SPTLC1: variants seen among roughly 807,000 people sequenced by gnomAD.
The protein encoded by SPTLC1 is serine palmitoyltransferase long chain base subunit 1.
In SPTLC1, 55 loss-of-function variants were observed where a neutral mutation model predicts 68.9. The ratio of observed to expected loss-of-function variants is 0.80; its 90% CI spans 0.64 to 1.00. The LOEUF (loss-of-function observed/expected upper bound fraction) is 1.00. Ranked by LOEUF, SPTLC1 falls within the 50% of genes least tolerant of loss-of-function variation. The probability of loss-of-function intolerance (pLI) is 0.00; values close to 1 mark genes in which losing one functional copy is unlikely to be tolerated. For synonymous variants in SPTLC1, 197 were observed against 201.6 expected, an observed-to-expected ratio of 0.98 and a Z score of 0.19; for missense variants, 449 against 573.1, an observed-to-expected ratio of 0.78 and a Z score of 2.21.
At chr9:92,048,017 A>C (rs10992210) in intron 9 of SPTLC1, among the ~76,000 whole-genome samples, 2 of 152,266 alleles carry the variant, frequency 1.3e-5, no homozygotes, top group African/African-American at 4.8e-5. Context: ...TATTAAAAGT[A>C]GTCACAGGTA....
chr9:92,100,672 C>A (rs571258488), intron 3 of SPTLC1, among the ~76,000 whole-genome samples: 1 of 152,204 alleles, frequency 6.6e-6, no homozygotes, highest in African/African-American at 2.4e-5. Flanking sequence ...GGTGTACCAA[C>A]CCCTGTGACT....
At chr9:92,080,190 CAACTCT>C in intron 4 of SPTLC1, 102 bp from the exon 5 acceptor site, 2 of 875,736 alleles carry the variant, frequency 2.3e-6, no homozygotes, top group Non-Finnish European at 3.7e-6. Context: ...CTTCCTCCTC[CAACTCT>C]AACAGAATAT....
chr9:92,086,373 A>G (rs1462069165), intron 3 of SPTLC1, among the ~76,000 whole-genome samples: 4 of 152,116 alleles, frequency 2.6e-5, no homozygotes, highest in Admixed American at 2.6e-4. Flanking sequence ...TTTTGCAGTG[A>G]CTGGTACCGG....
intron 3 of SPTLC1, among the ~76,000 whole-genome samples, chr9:92,092,513 G>A (rs114749238): frequency 0.078 from 11,836 of 152,150 alleles, 826 homozygotes; most frequent in East Asian, 0.27. Context: ...TGGATCACCC[G>A]AGGTCAAGAG....
intron 6 of SPTLC1, among the ~76,000 whole-genome samples, chr9:92,066,788 G>A (rs1291071095): frequency 6.6e-6 from 1 of 152,138 alleles, no homozygotes; most frequent in Non-Finnish European, 1.5e-5. Flanking sequence ...AGACCAGCCT[G>A]GCCAACATGG....
At chr9:92,040,127 T>C (rs1426613631) in intron 12 of SPTLC1, among the ~76,000 whole-genome samples, 1 of 152,112 alleles carries the variant, frequency 6.6e-6, no homozygotes, top group African/African-American at 2.4e-5. Context: ...CCCAGCACTT[T>C]GGGAGGCCAA....
At chr9:92,081,210 T>G (rs558771798) in intron 3 of SPTLC1, among the ~76,000 whole-genome samples, 1 of 152,236 alleles carries the variant, frequency 6.6e-6, no homozygotes, top group Non-Finnish European at 1.5e-5. Context: ...AAGCTAGAAT[T>G]CCAAGATGAA....
chr9:92,071,845 G>GT lies in SPTLC1; in HGVS notation c.428-3748dup, dbSNP rs1299941210. Among the ~76,000 whole-genome samples, 5 of 152,290 alleles carry GT rather than the reference G, an allele frequency of 3.3e-5. No homozygotes were observed. In the East Asian group the frequency reaches 9.7e-4, roughly 30 times the overall value. Reference sequence around the variant, plus strand: ...GCCAGCCTTGGGGCATTCTACCATTGTAACAGGCTCTACCCTAACTGATCA... The same window carrying GT: ...GCCAGCCTTGGGGCATTCTACCATTGTTAACAGGCTCTACCCTAACTGATCA... On this transcript the variant is annotated intron_variant, in intron 5 of 14. Coordinates refer to ENST00000262554, the MANE Select transcript of SPTLC1 (RefSeq NM_006415.4).
intron 3 of SPTLC1, among the ~76,000 whole-genome samples, chr9:92,098,097 C>T (rs772890656): frequency 3.9e-5 from 6 of 152,156 alleles, no homozygotes; most frequent in Non-Finnish European, 1.5e-5. Context: ...TCAGCATTCC[C>T]GGATTCACCG....
At chr9:92,077,884 T>A (rs561396435) in intron 5 of SPTLC1, among the ~76,000 whole-genome samples, 1 of 152,236 alleles carries the variant, frequency 6.6e-6, no homozygotes, top group South Asian at 2.1e-4. Flanking sequence ...TACTTACTCT[T>A]TGTCTCACTC....
At chr9:92,109,619 A>G (rs1836148776) in intron 2 of SPTLC1, 3 of 152,208 alleles carry the variant, frequency 2.0e-5, no homozygotes, top group Non-Finnish European at 4.4e-5. Flanking sequence ...ACAGGCTTTC[A>G]TGGACTTCAT....
At chr9:92,085,665 T>C (rs1835093267) in intron 3 of SPTLC1, among the ~76,000 whole-genome samples, 1 of 151,386 alleles carries the variant, frequency 6.6e-6, no homozygotes, top group Non-Finnish European at 1.5e-5. Flanking sequence ...CTTCCAACTA[T>C]GTGGTCAATT....
rs367646576 is a variant in SPTLC1 at position 92,049,957 on chromosome 9, T to C, written c.888+3A>G. On this transcript the variant is annotated splice_donor_region_variant and intron_variant, in intron 9 of 14. Coordinates refer to ENST00000262554, the MANE Select transcript of SPTLC1 (RefSeq NM_006415.4). ...GAAACGTTCTTAAAAAAGGGGAACT[T>C]ACATTGATTCCATAGTGTTCAGTGA... The C allele has an allele frequency of 1.6e-5, 25 of 1,592,652 alleles. No homozygotes were observed. The African/African-American group carries it at 3.0e-4, about 19-fold the overall frequency.
At chr9:92,071,593 T>TA (rs757066907) in intron 5 of SPTLC1, among the ~76,000 whole-genome samples, 4 of 152,222 alleles carry the variant, frequency 2.6e-5, no homozygotes, top group Non-Finnish European at 5.9e-5. Flanking sequence ...TGTTCCCACT[T>TA]ACACCTGAGA....
chr9:92,045,559 T>TA (rs1833487275), intron 12 of SPTLC1, among the ~76,000 whole-genome samples: 1 of 96,020 alleles, frequency 1.0e-5, no homozygotes, highest in African/African-American at 4.1e-5. Flanking sequence ...AAAACACTGA[T>TA]AAAATTTCAC....
intron 3 of SPTLC1, chr9:92,108,408 G>A (rs564649941): frequency 5.2e-5 from 17 of 328,096 alleles, no homozygotes; most frequent in South Asian, 2.2e-4. Context: ...TGAGGGTAAC[G>A]TGCGACAAAT....
intron 3 of SPTLC1, among the ~76,000 whole-genome samples, chr9:92,090,473 G>A (rs1460507191): frequency 6.6e-6 from 1 of 152,016 alleles, no homozygotes; most frequent in Non-Finnish European, 1.5e-5. Flanking sequence ...TTAGCCGGGT[G>A]TGGTGGTGCA....
chr9:92,076,238 C>T (rs1338655087), intron 5 of SPTLC1, among the ~76,000 whole-genome samples: 1 of 152,184 alleles, frequency 6.6e-6, no homozygotes, highest in Non-Finnish European at 1.5e-5. Context: ...ATTATCAATG[C>T]CCCCTTAATA....
chr9:92,045,872 C>A, intron 12 of SPTLC1, 127 bp downstream of exon 12: 3 of 757,450 alleles, frequency 4.0e-6, no homozygotes, highest in Non-Finnish European at 6.8e-6. Flanking sequence ...TGTGAGTGAA[C>A]TAAGTTTTTG....
Sources: gnomAD v4.1 joint callset for allele counts (sites outside exome capture counted in the v4.1 genomes callset) on GRCh38, gnomAD v4.1.1 for gene constraint, MANE v1.5 for transcripts, NCBI Gene and HGNC (gene_info 2026-07-23, HGNC 2026-07-21) for gene names.